Variants in KCNQ1 observed in about 807,000 individuals in gnomAD.
KCNQ1 encodes the protein potassium voltage-gated channel subfamily KQT member 1.
KCNQ1 carries 49 observed loss-of-function variants against 72.4 expected under a neutral mutation model. That is an observed-to-expected ratio of 0.68 (90% CI 0.54 to 0.86). The LOEUF (loss-of-function observed/expected upper bound fraction) is 0.86. KCNQ1 is among the 40% of genes least tolerant of loss of function. KCNQ1 has a pLI of 0.00. For synonymous variants in KCNQ1, 450 were observed against 412.6 expected (o/e 1.09, Z -1.10); for missense variants, 790 against 945.1 (o/e 0.84, Z 2.15).
At chr11:2,640,501 G>C (rs1241540115) in intron 10 of KCNQ1, 2 of 397,718 alleles carry the variant, frequency 5.0e-6, no homozygotes, top group Non-Finnish European at 8.8e-6. Flanking sequence ...GCCCAGGCTG[G>C]TCTTGAATTC....
chr11:2,468,357 G>A lies in KCNQ1; in HGVS notation c.386+22873G>A, dbSNP rs935162502. Among the ~76,000 whole-genome samples, 2 of 152,168 alleles carry A rather than the reference G, an allele frequency of 1.3e-5. No individual in the cohort carries two copies. The highest frequency in any genetic ancestry group is 2.9e-5 in the Non-Finnish European group (2 of 68,032). On this transcript the variant is annotated intron_variant, in intron 1 of 15. Coordinates refer to ENST00000155840, the MANE Select transcript of KCNQ1 (RefSeq NM_000218.3). The surrounding 1 kb of genome is among the most constrained non-coding windows in gnomAD (Gnocchi z 5.7). ...AGATGGGGTCTTGCTATATTGCCCA[G>A]TCTAGTCTCAAGCTCCTGAGCTCAA...
chr11:2,555,818 G>A (rs917702753), intron 2 of KCNQ1, among the ~76,000 whole-genome samples: 1 of 152,266 alleles, frequency 6.6e-6, no homozygotes, highest in African/African-American at 2.4e-5. Context: ...GTTTTCTGGT[G>A]GAATGGGGCA....
At chr11:2,740,023 G>A (rs564660254) in intron 11 of KCNQ1, among the ~76,000 whole-genome samples, 2 of 152,380 alleles carry the variant, frequency 1.3e-5, no homozygotes, top group Admixed American at 6.5e-5. Flanking sequence ...GGAGCTGGCC[G>A]GCCTGGTCCC....
chr11:2,676,878 TTAG>T lies in KCNQ1; in HGVS notation c.1514+14800_1514+14802del. On this transcript the variant is annotated intron_variant, in intron 11 of 15. Transcript: ENST00000155840. The surrounding 1 kb of genome is among the most constrained non-coding windows in gnomAD (Gnocchi z 4.2). ...TTTGACTGGGGAGCCCTTTCATTTCTTAGTAAGTGTTCAGCCCCAGTGTGCACC... is the reference window on the plus strand; with the variant it reads ...TTTGACTGGGGAGCCCTTTCATTTCTTAAGTGTTCAGCCCCAGTGTGCACC... The T allele has an allele frequency of 2.5e-6, 1 of 398,648 alleles. No individual in the cohort carries two copies. Among genetic ancestry groups the T allele is most frequent in the East Asian group, 3.6e-5 (1 of 28,078 alleles). 24.7% of individuals were successfully genotyped at this position (398,648 alleles called of 1,614,324 possible). A position where few individuals can be genotyped will look rare whatever the true frequency, so the allele number is the denominator to read the frequency against.
At chr11:2,694,793 G>A (rs1850647602) in intron 11 of KCNQ1, 1 of 398,528 alleles carries the variant, frequency 2.5e-6, no homozygotes, top group Admixed American at 4.4e-5. Flanking sequence ...AGACTCGAAA[G>A]GTAGTCGTCA....
rs760488641 is a variant in KCNQ1 at position 2,598,306 on chromosome 11, GTCT to G, written c.1393+9457_1393+9459del. The stretch of plus-strand genomic sequence containing the variant: ...TTTTTCTCTTTAGAGTTCTTTTAAT[GTCT>G]TCTTAATTTTTAAGCAGTAAATTTT... On this transcript the variant is annotated intron_variant, in intron 10 of 15. Transcript: ENST00000155840. The surrounding 1 kb of genome is among the most constrained non-coding windows in gnomAD (Gnocchi z 6.2). 1.1e-4 allele frequency among the ~76,000 whole-genome samples: 17 copies of G among 151,958 alleles called. No individual in the cohort carries two copies. The highest frequency in any genetic ancestry group is 2.9e-4 in the African/African-American group (12 of 41,382).
chr11:2,555,478 GCTGCCTGC>G (rs1848056649), intron 2 of KCNQ1, among the ~76,000 whole-genome samples: 1 of 152,214 alleles, frequency 6.6e-6, no homozygotes. Context: ...TACGTGTAAA[GCTGCCTGC>G]CAGGCGGCTA....
intron 11 of KCNQ1, among the ~76,000 whole-genome samples, chr11:2,763,060 CAATA>C (rs1323131932): frequency 6.6e-6 from 1 of 152,128 alleles, no homozygotes; most frequent in Non-Finnish European, 1.5e-5. Flanking sequence ...TGTCGGTTTC[CAATA>C]AATAAACAAA....
intron 10 of KCNQ1, among the ~76,000 whole-genome samples, chr11:2,605,627 C>A (rs924549073): frequency 2.6e-5 from 4 of 152,218 alleles, no homozygotes; most frequent in Non-Finnish European, 5.9e-5. Context: ...CACTCTGATT[C>A]TATTCCCTTG....
Position 2,661,161 on chromosome 11 carries a change from A to G in KCNQ1, c.1394-800A>G, listed in dbSNP as rs946272522. On this transcript the variant is annotated intron_variant, in intron 10 of 15. Coordinates refer to ENST00000155840, the MANE Select transcript of KCNQ1 (RefSeq NM_000218.3). The surrounding 1 kb of genome is among the most constrained non-coding windows in gnomAD (Gnocchi z 5.9). ...TGGGCTAGGGATCTAGTTGGCAGTT[A>G]ACACTGATGACCTTGGGGGAGGAAA... The G allele has an allele frequency of 1.0e-5, 4 of 398,520 alleles. No individual in the cohort carries two copies. Among genetic ancestry groups the G allele is most frequent in the African/African-American group, 8.2e-5 (4 of 48,628 alleles). The allele number at this position is 398,520 out of a possible 1,614,324, so 24.7% of individuals were successfully genotyped here. A position where few individuals can be genotyped will look rare whatever the true frequency, so the allele number is the denominator to read the frequency against.
chr11:2,622,633 CT>C (rs558561618), intron 10 of KCNQ1: 27 of 398,338 alleles, frequency 6.8e-5, no homozygotes, highest in Non-Finnish European at 1.2e-4. Flanking sequence ...CCCTTACTGC[CT>C]TTTTTTGTGT....
chr11:2,821,221 C>A (rs577898681), intron 15 of KCNQ1, among the ~76,000 whole-genome samples: 2 of 152,234 alleles, frequency 1.3e-5, no homozygotes, highest in African/African-American at 4.8e-5. Context: ...GTGCTCTGTG[C>A]GAGTCCCGTT....
chr11:2,509,328 T>C lies in KCNQ1; in HGVS notation c.387-18600T>C, dbSNP rs1224080873. On this transcript the variant is annotated intron_variant, in intron 1 of 15. Coordinates refer to ENST00000155840, the MANE Select transcript of KCNQ1 (RefSeq NM_000218.3). The surrounding 1 kb of genome is among the most constrained non-coding windows in gnomAD (Gnocchi z 6.3). ...CCCTTGGCATCATCATTGTTTCCCCTCCATGTTCAAGTTCAGCATCTCTGC... is the reference window on the plus strand; with the variant it reads ...CCCTTGGCATCATCATTGTTTCCCCCCCATGTTCAAGTTCAGCATCTCTGC... Among the ~76,000 whole-genome samples the C allele has an allele frequency of 2.0e-5, 3 of 152,142 alleles. No homozygotes were observed. Among genetic ancestry groups the C allele is most frequent in the Non-Finnish European group, 2.9e-5 (2 of 68,018 alleles).
intron 1 of KCNQ1, among the ~76,000 whole-genome samples, chr11:2,519,507 C>A (rs1336213434): frequency 6.6e-6 from 1 of 152,144 alleles, no homozygotes; most frequent in Non-Finnish European, 1.5e-5. Flanking sequence ...GTAATCCCAG[C>A]ACTTTGGGAG....
In KCNQ1 at chr11:2,563,688, G is replaced by A. The variant is rs571986359; in HGVS notation, c.478-6940G>A. Among the ~76,000 whole-genome samples the A allele has an allele frequency of 9.2e-5, 14 of 152,176 alleles. No individual in the cohort carries two copies. Among genetic ancestry groups the A allele is most frequent in the Non-Finnish European group, 1.2e-4 (8 of 68,038 alleles). ...AGGGCCCCCCGTGAAGGATGGCACC[G>A]AGCACCATTCAACATAAGTCTTGTC... is the stretch of plus-strand genomic sequence containing the variant. On this transcript the variant is annotated intron_variant, in intron 2 of 15. Transcript: ENST00000155840. This position sits in a 1 kb window ranked among gnomAD's most constrained non-coding sequence, Gnocchi z 7.4.
chr11:2,489,727 A>C (rs1031243038), intron 1 of KCNQ1, among the ~76,000 whole-genome samples: 9 of 152,346 alleles, frequency 5.9e-5, no homozygotes, highest in East Asian at 3.9e-4. Context: ...CAATGGGCAC[A>C]CATTTCAGGC....
intron 11 of KCNQ1, among the ~76,000 whole-genome samples, chr11:2,721,351 A>G (rs559450010): frequency 1.2e-3 from 178 of 152,328 alleles, no homozygotes; most frequent in Non-Finnish European, 2.0e-3. Flanking sequence ...GTTCAGAGGC[A>G]GCTAATAAGC....
rs558538403 is a variant in KCNQ1, at chr11:2,507,708, C to G, written c.387-20220C>G. 3.3e-5 allele frequency among the ~76,000 whole-genome samples: 5 copies of G among 151,992 alleles called. No individual in the cohort carries two copies. The highest frequency in any genetic ancestry group is 1.2e-4 in the African/African-American group (5 of 41,360). On this transcript the variant is annotated intron_variant, in intron 1 of 15. Coordinates refer to ENST00000155840, the MANE Select transcript of KCNQ1 (RefSeq NM_000218.3). This position sits in a 1 kb window ranked among gnomAD's most constrained non-coding sequence, Gnocchi z 5.4. ...CTGGGGAGAGAGTGCGGGCTGGGCT[C>G]ACAAGTTAGGGGAGGTGTCAGTGTG...
chr11:2,802,618 G>A (rs892623672), intron 15 of KCNQ1, among the ~76,000 whole-genome samples: 7 of 152,182 alleles, frequency 4.6e-5, no homozygotes, highest in African/African-American at 1.7e-4. Flanking sequence ...TATAGGGCCA[G>A]ACCCCAAGGC....
Sources: gnomAD v4.1 joint callset for allele counts (sites outside exome capture counted in the v4.1 genomes callset) on GRCh38, gnomAD v4.1.1 for gene constraint, Gnocchi (gnomAD v3.1) non-coding constraint, MANE v1.5 for transcripts, NCBI Gene and HGNC (gene_info 2026-07-23, HGNC 2026-07-21) for gene names.